PDE3A: variants seen among roughly 807,000 people sequenced by gnomAD.
The protein encoded by PDE3A is cGMP-inhibited 3',5'-cyclic phosphodiesterase 3A.
PDE3A carries 43 observed loss-of-function variants against 98.3 expected under a neutral mutation model. That is an observed-to-expected ratio of 0.44 (90% confidence interval 0.34 to 0.56). PDE3A has a LOEUF of 0.56. Ranked by LOEUF, PDE3A falls within the 20% of genes least tolerant of loss-of-function variation. The pLI is 0.01. For synonymous variants in PDE3A, 663 were observed against 567.9 expected (o/e 1.17, Z -2.38); for missense variants, 1,427 against 1,440.7 (o/e 0.99, Z 0.15).
intron 15 of PDE3A, among the ~76,000 whole-genome samples, chr12:20,678,079 G>A (rs544562506): frequency 3.9e-5 from 6 of 152,232 alleles, no homozygotes; most frequent in African/African-American, 1.4e-4. Context: ...CCTCTCTGAA[G>A]CAATGCCATC....
In PDE3A at chr12:20,680,974, A is replaced by G. The variant is rs1467164569; in HGVS notation, c.*703A>G. ...AAGTAACTCAGAATAGCTGTAGCAAATGACTGAATACATGTGAACAAACAG... is the reference window on the plus strand; with the variant it reads ...AAGTAACTCAGAATAGCTGTAGCAAGTGACTGAATACATGTGAACAAACAG... On this transcript the variant is annotated 3_prime_UTR_variant, in exon 16 of 16. Coordinates refer to ENST00000359062, the MANE Select transcript of PDE3A (RefSeq NM_000921.5). 6.6e-6 allele frequency: 1 copy of G among 152,056 alleles called. No homozygotes were observed. The highest frequency in any genetic ancestry group is 1.5e-5 in the Non-Finnish European group (1 of 68,036). The allele number at this position is 152,056 out of a possible 1,614,324, so 9.4% of individuals were successfully genotyped here.
intron 1 of PDE3A, among the ~76,000 whole-genome samples, chr12:20,439,976 T>C (rs79325430): frequency 0.027 from 4,182 of 152,306 alleles, 189 homozygotes; most frequent in African/African-American, 0.096. Context: ...AATATCTAAG[T>C]TGATATCAAC....
intron 1 of PDE3A, among the ~76,000 whole-genome samples, chr12:20,533,707 C>G (rs370750675): frequency 1.1e-4 from 16 of 151,674 alleles, no homozygotes; most frequent in Admixed American, 9.9e-4. Flanking sequence ...GTCTCGATCT[C>G]CTGACCTCAT....
At chr12:20,563,937 C>CTGTT (rs1942592753) in intron 2 of PDE3A, among the ~76,000 whole-genome samples, 4 of 152,046 alleles carry the variant, frequency 2.6e-5, no homozygotes, top group African/African-American at 9.7e-5. Context: ...TATTTAGTTA[C>CTGTT]TGTTTAGTAT....
At chr12:20,545,148 G>A (rs1205586310) in intron 1 of PDE3A, among the ~76,000 whole-genome samples, 1 of 151,966 alleles carries the variant, frequency 6.6e-6, no homozygotes, top group Non-Finnish European at 1.5e-5. Context: ...AAGTAATCAG[G>A]ATAAACCAGA....
chr12:20,609,518 G>A (rs139718826), intron 2 of PDE3A, among the ~76,000 whole-genome samples: 155 of 151,864 alleles, frequency 1.0e-3, no homozygotes, highest in Non-Finnish European at 1.3e-3. Flanking sequence ...TATCAACATC[G>A]CAATGGTGTC....
At chr12:20,460,499 C>T (rs1022687803) in intron 1 of PDE3A, among the ~76,000 whole-genome samples, 4 of 152,062 alleles carry the variant, frequency 2.6e-5, no homozygotes, top group Non-Finnish European at 5.9e-5. Flanking sequence ...GCATCTCATA[C>T]ATAGTTTATA....
intron 2 of PDE3A, among the ~76,000 whole-genome samples, chr12:20,570,989 T>C (rs1942790733): frequency 6.6e-6 from 1 of 152,184 alleles, no homozygotes; most frequent in African/African-American, 2.4e-5. Context: ...ACTAGAAAAG[T>C]CTTCCTTTTA....
At chr12:20,474,335 C>A (rs1185378628) in intron 1 of PDE3A, among the ~76,000 whole-genome samples, 1 of 151,988 alleles carries the variant, frequency 6.6e-6, no homozygotes. Flanking sequence ...TGTCTTTTGT[C>A]GTCTAGATAT....
Position 20,435,023 on chromosome 12 carries a change from A to G in PDE3A, c.960+64779A>G, listed in dbSNP as rs77915270. 2.0e-4 allele frequency among the ~76,000 whole-genome samples: 30 copies of G among 152,318 alleles called. No individual in the cohort carries two copies. In the East Asian group the frequency reaches 4.6e-3, roughly 24 times the overall value. Reference sequence around the variant, plus strand: ...TTACATTGTGTATTGTTGAAGTAAGACTTCAGGTATTCATTTGATTTTAAA... The same window carrying G: ...TTACATTGTGTATTGTTGAAGTAAGGCTTCAGGTATTCATTTGATTTTAAA... On this transcript the variant is annotated intron_variant, in intron 1 of 15. Coordinates refer to ENST00000359062, the MANE Select transcript of PDE3A (RefSeq NM_000921.5).
chr12:20,672,681 C>A (rs1945518353), intron 15 of PDE3A, among the ~76,000 whole-genome samples: 1 of 120,756 alleles, frequency 8.3e-6, no homozygotes. Context: ...TTCCTTACAC[C>A]TTATACAAAA....
intron 1 of PDE3A, among the ~76,000 whole-genome samples, chr12:20,508,546 TC>T (rs917457029): frequency 3.9e-5 from 6 of 151,960 alleles, no homozygotes; most frequent in African/African-American, 1.4e-4. Context: ...AAAAATGCAT[TC>T]TTAGAGTTCT....
At chr12:20,612,490 T>C (rs1337567225) in intron 2 of PDE3A, among the ~76,000 whole-genome samples, 2 of 151,010 alleles carry the variant, frequency 1.3e-5, no homozygotes, top group African/African-American at 4.8e-5. Flanking sequence ...TATGAATTCA[T>C]ATTATTTTTA....
chr12:20,467,600 T>C (rs1334577663), intron 1 of PDE3A, among the ~76,000 whole-genome samples: 1 of 152,112 alleles, frequency 6.6e-6, no homozygotes, highest in Non-Finnish European at 1.5e-5. Context: ...ATTTTAAAGA[T>C]ATCTACTTTA....
At chr12:20,425,939 A>G (rs988895255) in intron 1 of PDE3A, among the ~76,000 whole-genome samples, 1 of 152,182 alleles carries the variant, frequency 6.6e-6, no homozygotes, top group Admixed American at 6.5e-5. Flanking sequence ...TTCATTTGTT[A>G]AATGTGTATG....
intron 9 of PDE3A, among the ~76,000 whole-genome samples, chr12:20,638,597 A>T (rs1408476821): frequency 6.6e-6 from 1 of 152,068 alleles, no homozygotes; most frequent in African/African-American, 2.4e-5. Context: ...TACTTTAGGG[A>T]TCCCCCTGGG....
At chr12:20,527,361 T>C (rs546367023) in intron 1 of PDE3A, among the ~76,000 whole-genome samples, 5 of 152,334 alleles carry the variant, frequency 3.3e-5, no homozygotes, top group African/African-American at 1.2e-4. Context: ...GATCTTATAG[T>C]GAATGATAAT....
At chr12:20,454,263 T>G (rs776949242) in intron 1 of PDE3A, among the ~76,000 whole-genome samples, 1 of 152,180 alleles carries the variant, frequency 6.6e-6, no homozygotes, top group Non-Finnish European at 1.5e-5. Flanking sequence ...AGTGTACACA[T>G]AGATTATTTT....
intron 1 of PDE3A, among the ~76,000 whole-genome samples, chr12:20,422,301 A>ATG (rs1944531482): frequency 6.6e-6 from 1 of 151,900 alleles, no homozygotes; most frequent in South Asian, 2.1e-4. Flanking sequence ...CCAAGATCGC[A>ATG]CCACTGCACT....
Sources: gnomAD v4.1 joint callset for allele counts (sites outside exome capture counted in the v4.1 genomes callset) on GRCh38, gnomAD v4.1.1 for gene constraint, MANE v1.5 for transcripts, NCBI Gene and HGNC (gene_info 2026-07-23, HGNC 2026-07-21) for gene names.